The following MUCL1 variants were observed in gnomAD, a reference collection of about 807,000 sequenced individuals.
The protein encoded by MUCL1 is mucin-like protein 1.
A neutral mutation model predicts 9.2 loss-of-function variants in MUCL1; 11 were observed. The observed-to-expected ratio is 1.19, with a 90% CI of 0.75 to 1.97. MUCL1 has a LOEUF of 1.97. Among genes scored for constraint, MUCL1 ranks in the 30% most tolerant of loss-of-function variants. MUCL1 has a pLI of 0.00. For missense variants in MUCL1, 144 were observed against 110.9 expected, an observed-to-expected ratio of 1.30 and a Z score of -1.34; for synonymous variants, 48 against 40.5, an observed-to-expected ratio of 1.19 and a Z score of -0.71.
chr12:54,842,595 C>T (rs1053006384), intron 1 of MUCL1, among the ~76,000 whole-genome samples: 1 of 152,074 alleles, frequency 6.6e-6, no homozygotes, highest in Non-Finnish European at 1.5e-5. Flanking sequence ...GTTATAGTCA[C>T]CATTTTGTAC....
intron 1 of MUCL1, 53 bp downstream of exon 1, chr12:54,854,693 A>T: frequency 6.7e-7 from 1 of 1,495,916 alleles, no homozygotes; most frequent in Non-Finnish European, 9.3e-7. Context: ...TACATAAAAT[A>T]TCTCCTCTAA....
At chr12:54,838,342 T>C (rs1272026642), upstream of MUCL1, among the ~76,000 whole-genome samples, 1 of 152,224 alleles carries the variant, frequency 6.6e-6, no homozygotes. Flanking sequence ...CTGATGCTTT[T>C]GTCTCACTGC....
upstream of MUCL1, among the ~76,000 whole-genome samples, chr12:54,836,347 A>G (rs1282905489): frequency 6.6e-6 from 1 of 152,146 alleles, no homozygotes; most frequent in African/African-American, 2.4e-5. Context: ...CTAGAAATTT[A>G]TTCATTTCCT....
At chr12:54,855,442 T>G (rs1031705087) in intron 2 of MUCL1, 2 of 341,652 alleles carry the variant, frequency 5.9e-6, no homozygotes, top group African/African-American at 2.1e-5. Flanking sequence ...TGAGGTCTGA[T>G]GTTGTAGCCT....
chr12:54,844,370 C>T (rs1382849691), intron 1 of MUCL1, among the ~76,000 whole-genome samples: 1 of 152,030 alleles, frequency 6.6e-6, no homozygotes, highest in Non-Finnish European at 1.5e-5. Context: ...AGGAACAATG[C>T]CCTTATGATT....
chr12:54,845,019 G>C (rs1959236390), intron 1 of MUCL1, among the ~76,000 whole-genome samples: 1 of 152,170 alleles, frequency 6.6e-6, no homozygotes, highest in African/African-American at 2.4e-5. Context: ...TAATTAAATG[G>C]CTGGAGGTAG....
intron 1 of MUCL1, among the ~76,000 whole-genome samples, chr12:54,832,004 T>A (rs910580209): frequency 3.3e-5 from 5 of 152,082 alleles, no homozygotes; most frequent in Admixed American, 3.3e-4. Context: ...ATAGGATATA[T>A]CTTTGATAGG....
At chr12:54,849,893 A>T (rs1181341291), upstream of MUCL1, among the ~76,000 whole-genome samples, 3 of 152,078 alleles carry the variant, frequency 2.0e-5, no homozygotes, top group Non-Finnish European at 2.9e-5. Context: ...AAGCCTCAAA[A>T]CTGTTGTAGG....
chr12:54,833,940 G>A (rs935004003), intron 1 of MUCL1, among the ~76,000 whole-genome samples: 5 of 150,744 alleles, frequency 3.3e-5, no homozygotes, highest in African/African-American at 1.2e-4. Flanking sequence ...CCCGCACATT[G>A]TGCACATGTA....
chr12:54,854,755 G>A (rs1488617031), intron 1 of MUCL1, 115 bp downstream of exon 1: 5 of 853,680 alleles, frequency 5.9e-6, no homozygotes, highest in Middle Eastern at 5.9e-4. Flanking sequence ...CTCCTAACTT[G>A]TTCTATCACC....
chr12:54,844,626 A>T (rs1592247157), intron 1 of MUCL1, among the ~76,000 whole-genome samples: 2 of 152,096 alleles, frequency 1.3e-5, no homozygotes, highest in South Asian at 4.1e-4. Flanking sequence ...TTTATGTCTT[A>T]CCTTTCTTTA....
chr12:54,841,143 T>C (rs892186451), intron 1 of MUCL1, among the ~76,000 whole-genome samples: 4 of 152,240 alleles, frequency 2.6e-5, no homozygotes, highest in Non-Finnish European at 5.9e-5. Flanking sequence ...GGTTCATCCA[T>C]GTTGCCATAA....
intron 1 of MUCL1, among the ~76,000 whole-genome samples, chr12:54,845,006 G>A (rs901124272): frequency 2.7e-5 from 4 of 150,572 alleles, no homozygotes; most frequent in Non-Finnish European, 1.5e-5. Context: ...CACACTTGGG[G>A]ACTAATTAAA....
At chr12:54,839,560 A>C in intron 1 of MUCL1, 1 of 695,738 alleles carries the variant, frequency 1.4e-6, no homozygotes, top group Non-Finnish European at 2.6e-6. Flanking sequence ...GGGAGGGAGC[A>C]ACCTCATCCT....
At chr12:54,840,085 C>T (rs1365740131) in intron 1 of MUCL1, among the ~76,000 whole-genome samples, 1 of 152,166 alleles carries the variant, frequency 6.6e-6, no homozygotes, top group Non-Finnish European at 1.5e-5. Flanking sequence ...TGCTACTGCT[C>T]CTCTGGCTCT....
exon 1 of MUCL1, chr12:54,839,412 G>A (rs1959200177): frequency 1.4e-6 from 1 of 701,922 alleles, no homozygotes; most frequent in Non-Finnish European, 2.6e-6. Flanking sequence ...AGTATGGGAG[G>A]TGACCATGGG....
intron 3 of MUCL1, 79 bp downstream of exon 3, chr12:54,856,971 T>C: frequency 6.3e-7 from 1 of 1,591,834 alleles, no homozygotes; most frequent in Non-Finnish European, 8.6e-7. Flanking sequence ...ACAGAGACTC[T>C]ATTTTTGAGG....
chr12:54,848,415 C>T (rs1168509899), intron 1 of MUCL1, among the ~76,000 whole-genome samples: 1 of 151,582 alleles, frequency 6.6e-6, no homozygotes, highest in African/African-American at 2.4e-5. Context: ...ATAAGATGAC[C>T]CAGCTGTGTG....
At chr12:54,837,663 G>A (rs910425036), upstream of MUCL1, among the ~76,000 whole-genome samples, 16 of 152,134 alleles carry the variant, frequency 1.1e-4, no homozygotes, top group African/African-American at 3.1e-4. Flanking sequence ...CAGCTACTCG[G>A]GAGGCTGAGG....
Sources: gnomAD v4.1 joint callset for allele counts (sites outside exome capture counted in the v4.1 genomes callset) on GRCh38, gnomAD v4.1.1 for gene constraint, MANE v1.5 for transcripts, NCBI Gene and HGNC (gene_info 2026-07-23, HGNC 2026-07-21) for gene names.